The following GPM6B variants were observed in gnomAD, a reference collection of about 807,000 sequenced individuals.
GPM6B encodes the protein glycoprotein M6B, also known as neuronal membrane glycoprotein M6-b.
GPM6B carries 4 observed loss-of-function variants against 27.2 expected under a neutral mutation model. The observed-to-expected ratio is 0.15, with a 90% CI of 0.07 to 0.34. The LOEUF (loss-of-function observed/expected upper bound fraction) is 0.34. GPM6B is among the 10% of genes least tolerant of loss of function. GPM6B has a pLI of 1.00. For synonymous variants in GPM6B, 124 were observed against 103.1 expected (o/e 1.20, Z -1.23); for missense variants, 183 against 261.9 (o/e 0.70, Z 2.08).
intron 1 of GPM6B, among the ~76,000 whole-genome samples, chrX:13,876,314 A>C (rs2050032811): frequency 8.9e-6 from 1 of 112,424 alleles, no homozygotes; most frequent in South Asian, 3.7e-4. Flanking sequence ...AAGTGTATTA[A>C]TATGTCCATA....
chrX:13,780,180 C>A (rs1016769203), intron 4 of GPM6B, among the ~76,000 whole-genome samples, 191 bp from the exon 5 acceptor site: 7 of 111,499 alleles, frequency 6.3e-5, no homozygotes, highest in Non-Finnish European at 1.3e-4. Flanking sequence ...AGCCACATTC[C>A]CCAGAGCTAG....
At chrX:13,816,761 AAG>A (rs1446102343) in intron 1 of GPM6B, 81 bp downstream of exon 1, 2 of 1,082,742 alleles carry the variant, frequency 1.8e-6, no homozygotes, top group African/African-American at 3.7e-5. Context: ...GCCATTTTAA[AAG>A]AGAGACAAAA....
intron 1 of GPM6B, among the ~76,000 whole-genome samples, chrX:13,840,181 T>G (rs1227947196): frequency 8.9e-6 from 1 of 112,111 alleles, no homozygotes; most frequent in Non-Finnish European, 1.9e-5. Context: ...CATATTTCAT[T>G]TAGCTAAGGA....
At position 13,783,377 on chromosome X, in the gene GPM6B, G is replaced by A; in HGVS notation, c.513C>T (p.Cys171=). Residue 171 remains cysteine (C), a synonymous_variant, in exon 4 of 8, where the codon TGC becomes TGT. Transcript: ENST00000316715. Reference sequence around the variant, plus strand: ...AGGTTCAACTCACCATTCCACTGATGCATCGGCCACAAGCGGTTGTTTTAA... The same window carrying A: ...AGGTTCAACTCACCATTCCACTGATACATCGGCCACAAGCGGTTGTTTTAA... ...GEFKTTACGR[C]ISGMFVFLTY... is the part of the protein sequence containing the mutation. The A allele has an allele frequency of 1.7e-6, 2 of 1,190,626 alleles. No individual in the cohort carries two copies. The highest frequency in any genetic ancestry group is 2.3e-6 in the Non-Finnish European group (2 of 884,877).
intron 2 of GPM6B, among the ~76,000 whole-genome samples, chrX:13,805,853 A>G (rs960996613): frequency 1.1e-4 from 12 of 111,451 alleles, no homozygotes; most frequent in African/African-American, 3.9e-4. Context: ...GAAGACTCTT[A>G]AAGACTCTTA....
chrX:13,935,506 C>T (rs905646489), intron 1 of GPM6B, among the ~76,000 whole-genome samples: 1 of 111,090 alleles, frequency 9.0e-6, no homozygotes, highest in Non-Finnish European at 1.9e-5. Context: ...CAGAGTGAGA[C>T]CCTGTCTCCA....
At chrX:13,789,542 A>G (rs917812789) in intron 2 of GPM6B, among the ~76,000 whole-genome samples, 5 of 111,379 alleles carry the variant, frequency 4.5e-5, no homozygotes, top group Non-Finnish European at 9.4e-5. Context: ...TTGGGAGGCC[A>G]AGACGGGCGG....
At chrX:13,805,305 AT>A (rs926366506) in intron 2 of GPM6B, among the ~76,000 whole-genome samples, 30 of 110,684 alleles carry the variant, frequency 2.7e-4, no homozygotes, top group Non-Finnish European at 4.4e-4. Context: ...TTGAAAAGTA[AT>A]TTTTTTTTCT....
Position 13,791,910 on chromosome X carries a change from A to G in GPM6B, c.182-6102T>C, listed in dbSNP as rs1342654782. 9.1e-5 allele frequency among the ~76,000 whole-genome samples: 10 copies of G among 110,261 alleles called. No homozygotes were observed. In the Admixed American group the frequency reaches 9.7e-4, roughly 11 times the overall value. On this transcript the variant is annotated intron_variant, in intron 2 of 7. Coordinates refer to ENST00000316715, the MANE Select transcript of GPM6B (RefSeq NM_001001995.3). The stretch of plus-strand genomic sequence containing the variant: ...CATACACACACACACACACCCTCCC[A>G]AACACCCCCCAACAAACACCACACA...
chrX:13,827,288 T>C (rs1014725109), intron 1 of GPM6B, among the ~76,000 whole-genome samples: 8 of 100,025 alleles, frequency 8.0e-5, no homozygotes, highest in Non-Finnish European at 1.6e-4. Flanking sequence ...TTTTTTTTTT[T>C]TTTTTTCTTT....
intron 1 of GPM6B, among the ~76,000 whole-genome samples, chrX:13,836,091 T>G (rs1232787910): frequency 8.9e-6 from 1 of 111,948 alleles, no homozygotes; most frequent in East Asian, 2.8e-4. Context: ...GCAAGATGTG[T>G]TAAACGTTTT....
intron 5 of GPM6B, among the ~76,000 whole-genome samples, chrX:13,779,119 C>T (rs2048468781): frequency 9.0e-6 from 1 of 111,171 alleles, no homozygotes; most frequent in African/African-American, 3.3e-5. Flanking sequence ...AGGATGCTGC[C>T]CTCTTACTCA....
At chrX:13,798,251 A>G (rs1465353734) in intron 2 of GPM6B, among the ~76,000 whole-genome samples, 2 of 110,410 alleles carry the variant, frequency 1.8e-5, no homozygotes, top group Admixed American at 1.9e-4. Context: ...CAAGAGCCAC[A>G]TTAACCTGGG....
chrX:13,906,950 C>T (rs916746121), intron 1 of GPM6B, among the ~76,000 whole-genome samples: 25 of 112,138 alleles, frequency 2.2e-4, no homozygotes, highest in African/African-American at 7.8e-4. Flanking sequence ...GAATGATGGT[C>T]ATAAAAGCAA....
chrX:13,774,261 C>CT, intron 7 of GPM6B: 2 of 824,648 alleles, frequency 2.4e-6, no homozygotes, highest in South Asian at 5.6e-5. Context: ...AAAGATACTG[C>CT]TCTCTAATGT....
intron 2 of GPM6B, among the ~76,000 whole-genome samples, chrX:13,791,446 C>T (rs1008793219): frequency 3.6e-5 from 4 of 111,611 alleles, no homozygotes; most frequent in African/African-American, 1.3e-4. Context: ...CTTTCTAGCA[C>T]ATTTTACTAG....
chrX:13,902,627 C>A (rs1254971845), intron 1 of GPM6B, among the ~76,000 whole-genome samples: 1 of 111,114 alleles, frequency 9.0e-6, no homozygotes, highest in Non-Finnish European at 1.9e-5. Flanking sequence ...TGCCCAAGAG[C>A]CAGCTGAAAA....
At chrX:13,865,542 C>CAAAAAAAAAAAA (rs1171503867) in intron 1 of GPM6B, among the ~76,000 whole-genome samples, 10 of 14,614 alleles carry the variant, frequency 6.8e-4, no homozygotes, top group Non-Finnish European at 1.1e-3. Flanking sequence ...TCCATCTCTT[C>CAAAAAAAAAAAA]AAAAAAAAAA....
chrX:13,937,396 A>G (rs1921891791), intron 1 of GPM6B, among the ~76,000 whole-genome samples: 1 of 111,624 alleles, frequency 9.0e-6, no homozygotes, highest in Non-Finnish European at 1.9e-5. Context: ...TTAATAGCAA[A>G]GATAATGTGA....
Sources: allele counts gnomAD v4.1 joint callset (sites outside exome capture counted in the v4.1 genomes callset), GRCh38; gene constraint gnomAD v4.1.1; transcripts MANE v1.5; gene names NCBI Gene and HGNC (gene_info 2026-07-23, HGNC 2026-07-21).